The following KIAA1328 variants were observed in gnomAD, a reference collection of about 807,000 sequenced individuals.
KIAA1328 encodes the protein KIAA1328.
In KIAA1328, 52 loss-of-function variants were observed where a neutral mutation model predicts 68.1. That is an observed-to-expected ratio of 0.76 (90% CI 0.61 to 0.96). The LOEUF is 0.96. KIAA1328 is among the 40% of genes least tolerant of loss of function. KIAA1328 has a pLI of 0.00. For missense variants in KIAA1328, 641 were observed against 677.6 expected (o/e 0.95, Z 0.60); for synonymous variants, 232 against 239.4 (o/e 0.97, Z 0.28).
chr18:37,117,256 G>A (rs888006781), intron 7 of KIAA1328, among the ~76,000 whole-genome samples: 40 of 152,264 alleles, frequency 2.6e-4, no homozygotes, highest in Admixed American at 4.6e-4. Flanking sequence ...ATGTCCATCA[G>A]TGATAGACTG....
chr18:36,867,484 A>G (rs1186721765), intron 4 of KIAA1328, among the ~76,000 whole-genome samples: 1 of 152,276 alleles, frequency 6.6e-6, no homozygotes, highest in East Asian at 1.9e-4. Context: ...TAGCAACGCC[A>G]GAATGGCCTA....
intron 7 of KIAA1328, among the ~76,000 whole-genome samples, chr18:37,129,451 T>C (rs2058470694): frequency 1.3e-5 from 2 of 152,196 alleles, no homozygotes; most frequent in African/African-American, 4.8e-5. Flanking sequence ...CAATAGTTAT[T>C]TTCATTTTGC....
chr18:36,945,827 C>T (rs577018228), intron 5 of KIAA1328, among the ~76,000 whole-genome samples: 44 of 152,244 alleles, frequency 2.9e-4, no homozygotes, highest in African/African-American at 1.0e-3. Flanking sequence ...TTCTCATGGA[C>T]TCTTCCCCCA....
chr18:37,149,218 T>C lies in KIAA1328; in HGVS notation c.1233-10982T>C, dbSNP rs560071471. Among the ~76,000 whole-genome samples, 5 of 152,104 alleles carry C rather than the reference T, an allele frequency of 3.3e-5. No individual in the cohort carries two copies. The South Asian group carries it at 1.0e-3, about 32-fold the overall frequency. On this transcript the variant is annotated intron_variant, in intron 7 of 9. Coordinates refer to ENST00000280020, the MANE Select transcript of KIAA1328 (RefSeq NM_020776.3). The stretch of plus-strand genomic sequence containing the variant: ...TGGTACTGGTACAAAGACAAACACA[T>C]GGACCAATGGAACAGAATAGAAGAC...
At chr18:37,018,004 G>T (rs1361624475) in intron 6 of KIAA1328, among the ~76,000 whole-genome samples, 1 of 152,100 alleles carries the variant, frequency 6.6e-6, no homozygotes, top group Non-Finnish European at 1.5e-5. Flanking sequence ...CTATCTTGAA[G>T]TTGTTCAGCT....
intron 4 of KIAA1328, among the ~76,000 whole-genome samples, chr18:36,848,405 T>C (rs1253934284): frequency 6.6e-6 from 1 of 151,414 alleles, no homozygotes; most frequent in African/African-American, 2.4e-5. Flanking sequence ...TAACATATAT[T>C]GGCTTGGTAT....
intron 6 of KIAA1328, among the ~76,000 whole-genome samples, chr18:37,005,659 A>G (rs1465548041): frequency 1.3e-5 from 2 of 152,122 alleles, no homozygotes; most frequent in African/African-American, 4.8e-5. Flanking sequence ...TTCCCATGTT[A>G]ATTATATCAC....
chr18:36,860,041 CAT>C (rs1055117305), intron 4 of KIAA1328, among the ~76,000 whole-genome samples: 8 of 150,816 alleles, frequency 5.3e-5, no homozygotes, highest in Middle Eastern at 3.4e-3. Context: ...TAATTTTTGA[CAT>C]GTTTTATTTA....
chr18:37,050,183 C>T (rs1456037523), intron 6 of KIAA1328, among the ~76,000 whole-genome samples: 1 of 150,896 alleles, frequency 6.6e-6, no homozygotes, highest in Admixed American at 6.6e-5. Flanking sequence ...GCTTGGTAGC[C>T]TCAGGATACT....
intron 6 of KIAA1328, among the ~76,000 whole-genome samples, chr18:36,999,233 T>C (rs2053502599): frequency 6.6e-6 from 1 of 151,730 alleles, no homozygotes; most frequent in Non-Finnish European, 1.5e-5. Context: ...CAGATAAAAA[T>C]AAAAGAGAAT....
At chr18:36,833,135 C>A (rs1257148167) in intron 1 of KIAA1328, 1 of 152,022 alleles carries the variant, frequency 6.6e-6, no homozygotes, top group Non-Finnish European at 1.5e-5. Flanking sequence ...AGCCACTGCA[C>A]CTGGCCTATG....
intron 7 of KIAA1328, among the ~76,000 whole-genome samples, chr18:37,113,364 A>G (rs2057997705): frequency 6.6e-6 from 1 of 152,236 alleles, no homozygotes. Context: ...CAACAAACTT[A>G]AAGAAAATAA....
At chr18:37,052,041 C>CAA (rs879749688) in intron 6 of KIAA1328, among the ~76,000 whole-genome samples, 25 of 121,564 alleles carry the variant, frequency 2.1e-4, no homozygotes, top group African/African-American at 3.3e-4. Context: ...GACTACGTCT[C>CAA]AAAAAAAAAA....
intron 5 of KIAA1328, among the ~76,000 whole-genome samples, chr18:36,921,628 T>C (rs1339699883): frequency 6.6e-6 from 1 of 152,108 alleles, no homozygotes; most frequent in Non-Finnish European, 1.5e-5. Context: ...ATGGTCTCGA[T>C]CACCTGACCT....
At chr18:36,983,340 C>T (rs943872649) in intron 6 of KIAA1328, among the ~76,000 whole-genome samples, 3 of 151,888 alleles carry the variant, frequency 2.0e-5, no homozygotes, top group Non-Finnish European at 4.4e-5. Flanking sequence ...TTGTGGAACA[C>T]GGAGTATTAC....
intron 5 of KIAA1328, among the ~76,000 whole-genome samples, chr18:36,920,412 CT>C (rs534314067): frequency 9.9e-5 from 15 of 151,376 alleles, no homozygotes; most frequent in African/African-American, 2.9e-4. Context: ...GTCTATGTGT[CT>C]TTTTTTTTGT....
chr18:37,027,722 A>T (rs1175447848), intron 6 of KIAA1328, among the ~76,000 whole-genome samples: 2 of 152,160 alleles, frequency 1.3e-5, no homozygotes, highest in Non-Finnish European at 1.5e-5. Flanking sequence ...TTAATTCAAG[A>T]TGGATTAAAG....
At chr18:37,172,382 C>T (rs1373621889) in intron 8 of KIAA1328, among the ~76,000 whole-genome samples, 1 of 152,140 alleles carries the variant, frequency 6.6e-6, no homozygotes, top group Non-Finnish European at 1.5e-5. Flanking sequence ...TAATTACAAA[C>T]TAAACATTGC....
At chr18:37,117,133 C>A (rs1013217114) in intron 7 of KIAA1328, among the ~76,000 whole-genome samples, 5 of 152,190 alleles carry the variant, frequency 3.3e-5, no homozygotes, top group Admixed American at 3.3e-4. Flanking sequence ...ACTAGAAATA[C>A]CATTTGACCC....
Sources: allele counts gnomAD v4.1 joint callset (sites outside exome capture counted in the v4.1 genomes callset), GRCh38; gene constraint gnomAD v4.1.1; transcripts MANE v1.5; gene names NCBI Gene and HGNC (gene_info 2026-07-23, HGNC 2026-07-21).